The following INSRR variants were observed in gnomAD, a reference collection of about 807,000 sequenced individuals.
INSRR encodes the protein insulin receptor-related protein.
In INSRR, 114 loss-of-function variants were observed where a neutral mutation model predicts 130.0. The observed-to-expected ratio is 0.88, with a 90% CI of 0.75 to 1.02. The LOEUF is 1.02. Among genes scored for constraint, INSRR ranks in the 50% least tolerant of loss-of-function variants. The probability of loss-of-function intolerance (pLI) is 0.00; values close to 1 mark genes in which losing one functional copy is unlikely to be tolerated. For missense variants in INSRR, 1,657 were observed against 1,735.2 expected (o/e 0.95, Z 0.80); for synonymous variants, 674 against 705.2 (o/e 0.96, Z 0.70).
rs752068023 is a variant in INSRR, at chr1:156,845,820, G to A, written c.1979-6C>T. ...GCTGGTGGGCAGCCGCAAGCCTGGC[G>A]CCGCAGCGGGAAGACACTAGTAAGA... On this transcript the variant is annotated splice_polypyrimidine_tract_variant and splice_region_variant and intron_variant, in intron 9 of 21. Transcript: ENST00000368195. The A allele has an allele frequency of 6.2e-7, 1 of 1,611,362 alleles. No homozygotes were observed. Among genetic ancestry groups the A allele is most frequent in the South Asian group, 1.1e-5 (1 of 91,008 alleles).
intron 1 of INSRR, among the ~76,000 whole-genome samples, chr1:156,855,208 CTATT>C (rs71593865): frequency 4.0e-5 from 6 of 151,756 alleles, no homozygotes; most frequent in Admixed American, 1.3e-4. Flanking sequence ...ATCTATCTAT[CTATT>C]TATTTATTTG....
chr1:156,849,185 C>G (rs1268992661), intron 6 of INSRR, 61 bp downstream of exon 6: 1 of 1,604,338 alleles, frequency 6.2e-7, no homozygotes, highest in Admixed American at 1.7e-5. Flanking sequence ...TTCTCCCTCC[C>G]CCGGGTGTGC....
In INSRR at chr1:156,841,098, C is replaced by T. The variant is rs1235884910; in HGVS notation, c.3669G>A (p.Glu1223=). The T allele has an allele frequency of 6.4e-7, 1 of 1,559,530 alleles. No homozygotes were observed. Among genetic ancestry groups the T allele is most frequent in the Non-Finnish European group, 8.7e-7 (1 of 1,151,566 alleles). The change falls in exon 22 of 22, where the codon GAG becomes GAA. Residue 1223 remains glutamate, a synonymous_variant. Transcript: ENST00000368195. ...ELEGCPLQLQ[E]LMSRCWQPNP... is the part of the protein sequence containing the mutation. ...TCGGCTGCCAGCAGCGGCTCATCAG[C>T]TCCTGCCTGGTGGGTGTGGGGAGCA...
chr1:156,849,449 A>G lies in INSRR; in HGVS notation c.1241T>C (p.Leu414Pro). The G allele has an allele frequency of 7.2e-7, 1 of 1,383,328 alleles. No homozygotes were observed. Among genetic ancestry groups the G allele is most frequent in the Non-Finnish European group, 9.6e-7 (1 of 1,037,442 alleles). 85.7% of individuals were successfully genotyped at this position (1,383,328 alleles called of 1,614,324 possible). ...TAGGTTCTGGTTGTCCAGCACGTAGAGAGTGTAGTTCCTGGGGGAGGCCAG... is the reference window on the plus strand; with the variant it reads ...TAGGTTCTGGTTGTCCAGCACGTAGGGAGTGTAGTTCCTGGGGGAGGCCAG... ...GDAMVDGNYT[L>P]YVLDNQNLQQ... The change falls in exon 6 of 22, where the codon CTC becomes CCC. Residue 414 changes from leucine (L) to proline (P), a missense_variant. Physicochemically the swap from Leu to Pro is moderately conservative, Grantham distance 98. Coordinates refer to ENST00000368195, the MANE Select transcript of INSRR (RefSeq NM_014215.3).
chr1:156,852,040 C>T lies in INSRR; in HGVS notation c.789G>A (p.Pro263=), dbSNP rs138142163. The change falls in exon 3 of 22, where the codon CCG becomes CCA. Residue 263 remains proline (P), a synonymous_variant. Coordinates refer to ENST00000368195, the MANE Select transcript of INSRR (RefSeq NM_014215.3). The stretch of plus-strand genomic sequence containing the variant: ...AGGACTCATACTGGTAGGTGCCTGG[C>T]GGGCAGGCCCACAGGCAGGCACCCT... ...YFQGACLWAC[P]PGTYQYESWR... 780 of 1,613,400 alleles carry T rather than the reference C, an allele frequency of 4.8e-4. 6 individuals carry two copies. The African/African-American group carries it at 7.1e-3, about 15-fold the overall frequency.
chr1:156,851,952 A>C lies in INSRR; in HGVS notation c.877T>G (p.Phe293Val). 1 of 1,606,630 alleles carries C rather than the reference A, an allele frequency of 6.2e-7. No individual in the cohort carries two copies. Among genetic ancestry groups the C allele is most frequent in the Non-Finnish European group, 8.5e-7 (1 of 1,174,120 alleles). ...LHSVPGRAST[F>V]GIHQGSCLAQ... ...AGGCAACTGCCCTGGTGTATGCCGA[A>C]GGTGGAGGCACGGCCGGGCACAGAG... The change falls in exon 3 of 22, where the codon TTC (phenylalanine) becomes GTC (valine). Residue 293 changes from phenylalanine (F) to valine (V), a missense_variant. By Grantham distance (50) the Phe-to-Val change is conservative. Coordinates refer to ENST00000368195, the MANE Select transcript of INSRR (RefSeq NM_014215.3).
Position 156,847,880 on chromosome 1 carries a change from G to C in INSRR, c.1571+1041C>G, listed in dbSNP as rs61562052. On this transcript the variant is annotated intron_variant, in intron 7 of 21. Coordinates refer to ENST00000368195, the MANE Select transcript of INSRR (RefSeq NM_014215.3). ...AGGTTCTCTGCTCTTTGAGCCCAGA[G>C]ACAGCTGTGTATAGTTGTGCAGATT... Among the ~76,000 whole-genome samples, 921 of 152,300 alleles carry C rather than the reference G, an allele frequency of 6.0e-3. 15 individuals are homozygous for C. The highest frequency in any genetic ancestry group is 0.021 in the African/African-American group (878 of 41,548).
rs142758140 is a variant in INSRR, at chr1:156,841,463, T to C, written c.3593A>G (p.Asn1198Ser). 1,040 of 1,613,940 alleles carry C rather than the reference T, an allele frequency of 6.4e-4. 1 individual carries two copies. Among genetic ancestry groups the C allele is most frequent in the Admixed American group, 8.7e-4 (52 of 60,006 alleles). The stretch of plus-strand genomic sequence containing the variant: ...CATGACGAACTTCAGCACCTGCTCA[T>C]TGGACAGGCCCTGGTAGGGTTGTTC... ...LAEQPYQGLS[N>S]EQVLKFVMDG... The change falls in exon 21 of 22, where the codon AAT becomes AGT. Residue 1198 changes from asparagine (N) to serine (S), a missense_variant. Asn to Ser is a conservative substitution (Grantham distance 46). Transcript: ENST00000368195.
At position 156,843,232 on chromosome 1, in the gene INSRR, C is replaced by G. The variant is rs533493641; in HGVS notation, c.2898G>C (p.Met966Ile). Residue 966 changes from methionine (M) to isoleucine (I), a missense_variant and splice_region_variant, in exon 17 of 22, where the codon ATG becomes ATC. Transcript: ENST00000368195. ...VNPEYFSASDMYVPDEWEVPR... is the reference protein window; with the variant it reads ...VNPEYFSASDIYVPDEWEVPR... Reference sequence around the variant, plus strand: ...GCACCTCCCATTCATCAGGGACATACACTGCAAGGAGGTGGAGGGTCACAA... The same window carrying G: ...GCACCTCCCATTCATCAGGGACATAGACTGCAAGGAGGTGGAGGGTCACAA... 6.2e-7 allele frequency: 1 copy of G among 1,613,916 alleles called. No individual in the cohort carries two copies. The highest frequency in any genetic ancestry group is 1.7e-5 in the Admixed American group (1 of 60,010).
At chr1:156,856,562 T>C (rs73004737) in intron 1 of INSRR, among the ~76,000 whole-genome samples, 58 of 152,342 alleles carry the variant, frequency 3.8e-4, no homozygotes, top group African/African-American at 1.3e-3. Flanking sequence ...CCTGACCCTC[T>C]GGCCTGGAGT....
rs1571653691 is a variant in INSRR at position 156,840,867 on chromosome 1, T to G, written c.*6A>C. Reference sequence around the variant, plus strand: ...ATGGGAGGCCAGCCAGGGAATGAGGTGCCCCTCAGTGCCCTGGACCCCCAT... The same window carrying G: ...ATGGGAGGCCAGCCAGGGAATGAGGGGCCCCTCAGTGCCCTGGACCCCCAT... On this transcript the variant is annotated 3_prime_UTR_variant, in exon 22 of 22. Coordinates refer to ENST00000368195, the MANE Select transcript of INSRR (RefSeq NM_014215.3). 1.3e-6 allele frequency: 2 copies of G among 1,599,748 alleles called. No homozygotes were observed. Among genetic ancestry groups the G allele is most frequent in the Non-Finnish European group, 1.7e-6 (2 of 1,168,198 alleles).
At position 156,845,193 on chromosome 1, in the gene INSRR, G is replaced by A. The variant is rs767002888; in HGVS notation, c.2320C>T (p.Leu774=). 3 of 1,609,756 alleles carry A rather than the reference G, an allele frequency of 1.9e-6. No homozygotes were observed. Among genetic ancestry groups the A allele is most frequent in the Non-Finnish European group, 2.5e-6 (3 of 1,178,364 alleles). The change falls in exon 12 of 22, where the codon CTG becomes TTG. Residue 774 remains leucine (L), a synonymous_variant. Coordinates refer to ENST00000368195, the MANE Select transcript of INSRR (RefSeq NM_014215.3). The part of the protein sequence containing the change: ...EDKVPRERAV[L]SGLRHFTEYR... ...TCCGTGAAGTGGCGCAGGCCGCTCA[G>A]CACCGCTCGCTCACGGGGCACCTTG...
chr1:156,841,082 A>G lies in INSRR; in HGVS notation c.3685T>C (p.Trp1229Arg), dbSNP rs910904078. 1 of 1,565,628 alleles carries G rather than the reference A, an allele frequency of 6.4e-7. No individual in the cohort carries two copies. The highest frequency in any genetic ancestry group is 8.7e-7 in the Non-Finnish European group (1 of 1,154,976). The change falls in exon 22 of 22, where the codon TGG becomes CGG. Residue 1229 changes from tryptophan to arginine, a missense_variant. By Grantham distance (101) the Trp-to-Arg change is moderately radical. Coordinates refer to ENST00000368195, the MANE Select transcript of INSRR (RefSeq NM_014215.3). ...GGGCGCAGGCGTGGGTTCGGCTGCC[A>G]GCAGCGGCTCATCAGCTCCTGCCTG... is the stretch of plus-strand genomic sequence containing the variant. Reference protein sequence around the residue: ...LQLQELMSRCWQPNPRLRPSF... With the variant: ...LQLQELMSRCRQPNPRLRPSF...
intron 15 of INSRR, among the ~76,000 whole-genome samples, 184 bp from the exon 16 acceptor site, chr1:156,843,663 A>T (rs1654883888): frequency 6.6e-6 from 1 of 152,198 alleles, no homozygotes; most frequent in Non-Finnish European, 1.5e-5. Flanking sequence ...TATTCCTGGG[A>T]TCTAACAGGG....
rs774837872 is a variant in INSRR at position 156,858,655 on chromosome 1, C to T, written c.-34G>A. On this transcript the variant is annotated 5_prime_UTR_variant, in exon 1 of 22. Transcript: ENST00000368195. ...CCCTGGCTTGTGTCCAGTCCCGGCT[C>T]TCCTCCCGGTGACTCTGGGGAGAAC... 1 of 1,583,142 alleles carries T rather than the reference C, an allele frequency of 6.3e-7. No homozygotes were observed. The highest frequency in any genetic ancestry group is 1.1e-5 in the South Asian group (1 of 90,438).
rs1191674723 is a variant in INSRR, at chr1:156,843,049, G to A, written c.3081C>T (p.Phe1027=). 1.9e-6 allele frequency: 3 copies of A among 1,614,104 alleles called. No individual in the cohort carries two copies. The highest frequency in any genetic ancestry group is 2.2e-5 in the South Asian group (2 of 91,074). The change falls in exon 17 of 22, where the codon TTC becomes TTT. Residue 1027 remains phenylalanine, a synonymous_variant. Transcript: ENST00000368195. ...CTTTCATGACAGAAGCTTCCTTGAG[G>A]AACTCAATGCATTCCCGTGGGCTGG... is the stretch of plus-strand genomic sequence containing the variant. ...ELASPRECIE[F]LKEASVMKAF...
rs370514699 is a variant in INSRR at position 156,849,213 on chromosome 1, G to A, written c.1444+33C>T. 217 of 1,609,448 alleles carry A rather than the reference G, an allele frequency of 1.3e-4. 1 individual carries two copies. The highest frequency in any genetic ancestry group is 1.6e-4 in the Non-Finnish European group (190 of 1,177,730). ...GGGTGTGCGTGTCTAGTGTGTGGCC[G>A]CGTGTCCACCGGCACTGGGGTTGGG... is the stretch of plus-strand genomic sequence containing the variant. On this transcript the variant is annotated intron_variant, in intron 6 of 21. Coordinates refer to ENST00000368195, the MANE Select transcript of INSRR (RefSeq NM_014215.3).
intron 18 of INSRR, 48 bp from the exon 19 acceptor site, chr1:156,842,319 C>A: frequency 6.2e-7 from 1 of 1,613,584 alleles, no homozygotes; most frequent in East Asian, 2.2e-5. Context: ...AGAGGCTGGT[C>A]TCCTGTCCAG....
chr1:156,850,223 A>C (rs1655153472), intron 5 of INSRR, among the ~76,000 whole-genome samples: 1 of 151,674 alleles, frequency 6.6e-6, no homozygotes, highest in South Asian at 2.1e-4. Context: ...TTATTTATGT[A>C]TGTTTTGAGC....
Sources: allele counts gnomAD v4.1 joint callset (sites outside exome capture counted in the v4.1 genomes callset), GRCh38; gene constraint gnomAD v4.1.1; transcripts MANE v1.5; gene names NCBI Gene and HGNC (gene_info 2026-07-23, HGNC 2026-07-21).